PALD1: variants seen among roughly 807,000 people sequenced by gnomAD.
The protein encoded by PALD1 is paladin.
In PALD1, 57 loss-of-function variants were observed where a neutral mutation model predicts 96.0. That is an observed-to-expected ratio of 0.59 (90% CI 0.48 to 0.74). The LOEUF is 0.74. PALD1 is among the 30% of genes least tolerant of loss of function. The probability of loss-of-function intolerance (pLI) is 0.00; values close to 1 mark genes in which losing one functional copy is unlikely to be tolerated. For missense variants in PALD1, 1,063 were observed against 1,143.7 expected (o/e 0.93, Z 1.02); for synonymous variants, 464 against 473.6 (o/e 0.98, Z 0.26).
intron 1 of PALD1, among the ~76,000 whole-genome samples, chr10:70,488,571 A>G (rs1010512902): frequency 3.3e-5 from 5 of 152,124 alleles, no homozygotes; most frequent in African/African-American, 1.2e-4. Context: ...CTGTACCTCT[A>G]CATGAATTTG....
chr10:70,467,433 A>G, the PALD1 span, among the ~76,000 whole-genome samples: 2 of 151,882 alleles, frequency 1.3e-5, no homozygotes, highest in African/African-American at 2.4e-5. Context: ...GGTGAGGGGA[A>G]GTAAAAGAAT....
chr10:70,461,797 T>C, the PALD1 span, among the ~76,000 whole-genome samples: 1 of 152,192 alleles, frequency 6.6e-6, no homozygotes, highest in Non-Finnish European at 1.5e-5. Flanking sequence ...TTTTTTGTTT[T>C]TGTTTTCATT....
intron 18 of PALD1, among the ~76,000 whole-genome samples, chr10:70,558,197 C>T (rs796256939): frequency 3.3e-5 from 5 of 152,072 alleles, no homozygotes; most frequent in African/African-American, 1.2e-4. Flanking sequence ...GCTGTCTTCT[C>T]CTGAGCCTCA....
intron 18 of PALD1, 31 bp downstream of exon 18, chr10:70,547,477 G>A (rs758984602): frequency 9.9e-6 from 10 of 1,010,648 alleles, no homozygotes; most frequent in South Asian, 1.5e-5. Flanking sequence ...ACCCCACCCT[G>A]CCCCAGCCAC....
chr10:70,537,615 G>C (rs549676438), intron 10 of PALD1, among the ~76,000 whole-genome samples, 196 bp from the exon 11 acceptor site: 1 of 152,352 alleles, frequency 6.6e-6, no homozygotes, highest in Admixed American at 6.5e-5. Flanking sequence ...TATCTCCCCT[G>C]ACCGCAGATA....
At chr10:70,493,111 C>T (rs1238269237) in intron 1 of PALD1, among the ~76,000 whole-genome samples, 1 of 152,194 alleles carries the variant, frequency 6.6e-6, no homozygotes, top group African/African-American at 2.4e-5. Flanking sequence ...CGGCCCTTTC[C>T]AGCTGCCGCT....
intron 18 of PALD1, among the ~76,000 whole-genome samples, chr10:70,550,780 G>A (rs897635075): frequency 2.0e-5 from 3 of 152,164 alleles, no homozygotes; most frequent in Admixed American, 6.5e-5. Flanking sequence ...AGGTTTATCC[G>A]TGTTGTAGCA....
At chr10:70,489,991 C>T (rs940146901) in intron 1 of PALD1, among the ~76,000 whole-genome samples, 50 of 151,888 alleles carry the variant, frequency 3.3e-4, no homozygotes, top group African/African-American at 1.1e-3. Context: ...GGCGTGATCT[C>T]GGCTGATGGC....
chr10:70,564,429 G>A lies in PALD1; in HGVS notation c.2328G>A (p.Glu776=). ...RLQLRSLQYL[E]RYVCLILFNA... ...AGCTGCGGAGCCTGCAGTACTTGGA[G>A]CGCTATGTCTGCCTGATTCTCTTCA... The change falls in exon 19 of 20, where the codon GAG becomes GAA. Residue 776 remains glutamate (E), a synonymous_variant. Transcript: ENST00000263563. 1 of 1,614,154 alleles carries A rather than the reference G, an allele frequency of 6.2e-7. No individual in the cohort carries two copies. Among genetic ancestry groups the A allele is most frequent in the Non-Finnish European group, 8.5e-7 (1 of 1,179,982 alleles).
At chr10:70,545,451 C>T (rs766150297) in intron 17 of PALD1, among the ~76,000 whole-genome samples, 3 of 151,802 alleles carry the variant, frequency 2.0e-5, no homozygotes, top group Non-Finnish European at 2.9e-5. Flanking sequence ...GGATCAGGTG[C>T]CAGCTGTAGA....
At chr10:70,558,933 C>T (rs10999398) in intron 18 of PALD1, among the ~76,000 whole-genome samples, 19,183 of 151,860 alleles carry the variant, frequency 0.13, 1,583 homozygotes, top group Non-Finnish European at 0.17. Context: ...CTGATAATGC[C>T]GAGGTTGCAG....
chr10:70,537,799 C>A lies in PALD1; in HGVS notation c.1228-12C>A. The A allele has an allele frequency of 1.3e-6, 2 of 1,591,404 alleles. No individual in the cohort carries two copies. The highest frequency in any genetic ancestry group is 1.7e-6 in the Non-Finnish European group (2 of 1,160,000). On this transcript the variant is annotated splice_polypyrimidine_tract_variant and intron_variant, in intron 10 of 19. Transcript: ENST00000263563. ...GAGGAGTCTGTCCTTAACACCCTGT[C>A]CTCTCTCTCAGGGAAGCGGCAGCCG...
intron 1 of PALD1, among the ~76,000 whole-genome samples, chr10:70,511,129 G>C (rs1178504121): frequency 6.6e-6 from 1 of 152,206 alleles, no homozygotes; most frequent in African/African-American, 2.4e-5. Flanking sequence ...CTGTTCCCAT[G>C]TGGCATGTGA....
At chr10:70,556,285 T>TCCCCCC (rs1554862631) in intron 18 of PALD1, among the ~76,000 whole-genome samples, 1 of 147,706 alleles carries the variant, frequency 6.8e-6, no homozygotes, top group Non-Finnish European at 1.5e-5. Flanking sequence ...GAGACCTCTC[T>TCCCCCC]CTCTCTCTCT....
intron 18 of PALD1, among the ~76,000 whole-genome samples, chr10:70,550,743 G>T (rs1847464222): frequency 6.6e-6 from 1 of 152,162 alleles, no homozygotes; most frequent in Admixed American, 6.5e-5. Context: ...TTTGTGTCTG[G>T]CTTCTTTCAC....
Position 70,531,301 on chromosome 10 carries a change from C to T in PALD1, c.480C>T (p.Ile160=). Residue 160 remains isoleucine (I), a synonymous_variant, in exon 5 of 20, where the codon ATC becomes ATT. Coordinates refer to ENST00000263563, the MANE Select transcript of PALD1 (RefSeq NM_014431.3). ...LQKDGHRECV[I]FCVREEPVLF... is the part of the protein sequence containing the mutation. ...CGGGCTCCTGGCAGGAGTGTGTCAT[C>T]TTCTGTGTGCGGGAGGAACCTGTGC... 5 of 1,612,576 alleles carry T rather than the reference C, an allele frequency of 3.1e-6. No individual in the cohort carries two copies. The highest frequency in any genetic ancestry group is 4.2e-6 in the Non-Finnish European group (5 of 1,178,796).
chr10:70,567,374 C>CAGGAT lies in PALD1; in HGVS notation c.*642_*646dup, dbSNP rs1847876303. 1.3e-5 allele frequency: 2 copies of CAGGAT among 152,774 alleles called. No homozygotes were observed. The highest frequency in any genetic ancestry group is 6.5e-5 in the Admixed American group (1 of 15,284). 9.5% of individuals were successfully genotyped at this position (152,774 alleles called of 1,614,324 possible). ...AACCTACCCAGCCTGGTGGGGCTGG[C>CAGGAT]AGGATGGTGGAGGTTTCTCAAGGAG... On this transcript the variant is annotated 3_prime_UTR_variant, in exon 20 of 20. Coordinates refer to ENST00000263563, the MANE Select transcript of PALD1 (RefSeq NM_014431.3).
the PALD1 span, among the ~76,000 whole-genome samples, chr10:70,466,143 A>G: frequency 4.6e-5 from 7 of 152,080 alleles, no homozygotes; most frequent in African/African-American, 1.4e-4. Context: ...CTTTGTGAGG[A>G]GGCCTTTTGT....
chr10:70,561,233 G>A (rs1269872727), intron 18 of PALD1, among the ~76,000 whole-genome samples: 1 of 152,244 alleles, frequency 6.6e-6, no homozygotes, highest in South Asian at 2.1e-4. Context: ...GTGCTGGTGC[G>A]GTCGTGTCCA....
Sources: gnomAD v4.1 joint callset for allele counts (sites outside exome capture counted in the v4.1 genomes callset) on GRCh38, gnomAD v4.1.1 for gene constraint, MANE v1.5 for transcripts, NCBI Gene and HGNC (gene_info 2026-07-23, HGNC 2026-07-21) for gene names.